Variants in EPHA4 observed in about 807,000 individuals in gnomAD.
EPHA4 encodes EPH receptor A4, also known as ephrin type-A receptor 4.
EPHA4 carries 19 observed loss-of-function variants against 108.3 expected under a neutral mutation model. The ratio of observed to expected loss-of-function variants is 0.18; its 90% CI spans 0.12 to 0.26. The LOEUF is 0.26. EPHA4 is among the 10% of genes least tolerant of loss of function. The pLI is 1.00. For missense variants in EPHA4, 917 were observed against 1,254.0 expected, an observed-to-expected ratio of 0.73 and a Z score of 4.06; for synonymous variants, 449 against 455.5, an observed-to-expected ratio of 0.99 and a Z score of 0.18.
chr2:221,499,101 T>G, intron 4 of EPHA4, among the ~76,000 whole-genome samples: 1 of 151,596 alleles, frequency 6.6e-6, no homozygotes, highest in Non-Finnish European at 1.5e-5. Flanking sequence ...TTTTAACAGT[T>G]ACATCTGAGA....
intron 3 of EPHA4, among the ~76,000 whole-genome samples, chr2:221,544,949 A>G (rs1040848732): frequency 6.6e-6 from 1 of 151,998 alleles, no homozygotes; most frequent in African/African-American, 2.4e-5. Flanking sequence ...CTAAAAACCA[A>G]CCCTGATGAA....
Position 221,418,992 on chromosome 2 carries a change from A to G in EPHA4, c.*2380T>C, listed in dbSNP as rs1193251636. On this transcript the variant is annotated 3_prime_UTR_variant, in exon 18 of 18. Coordinates refer to ENST00000281821, the MANE Select transcript of EPHA4 (RefSeq NM_004438.5). The stretch of plus-strand genomic sequence containing the variant: ...AATGCCACACACCCTGTCAGAATGT[A>G]ATAAATATTTATTGATGATTTTCTC... The G allele has an allele frequency of 6.6e-6, 1 of 152,660 alleles. No homozygotes were observed. The highest frequency in any genetic ancestry group is 1.9e-4 in the East Asian group (1 of 5,192). 9.5% of individuals were successfully genotyped at this position (152,660 alleles called of 1,614,324 possible). A position where few individuals can be genotyped will look rare whatever the true frequency, so the allele number is the denominator to read the frequency against.
intron 4 of EPHA4, among the ~76,000 whole-genome samples, chr2:221,490,775 T>G (rs1169030484): frequency 1.3e-5 from 2 of 152,208 alleles, no homozygotes; most frequent in Non-Finnish European, 2.9e-5. Context: ...GTTTTGACTC[T>G]GAAATAAAGC....
At chr2:221,514,746 C>T (rs150754799) in intron 3 of EPHA4, among the ~76,000 whole-genome samples, 12 of 152,152 alleles carry the variant, frequency 7.9e-5, no homozygotes, top group African/African-American at 2.7e-4. Context: ...TAAACACAAA[C>T]GATGGGTGAA....
rs189889295 is a variant in EPHA4, at chr2:221,427,724, T to C, written c.2691-1105A>G. Among the ~76,000 whole-genome samples, 182 of 152,330 alleles carry C rather than the reference T, an allele frequency of 1.2e-3. 4 individuals are homozygous for C. The East Asian group carries it at 0.023, about 19-fold the overall frequency. On this transcript the variant is annotated intron_variant, in intron 15 of 17. Coordinates refer to ENST00000281821, the MANE Select transcript of EPHA4 (RefSeq NM_004438.5). ...ATTTAAATCACAATTATATCATTACTACTAAATTTTCAACCAAAAAACTCT... is the reference window on the plus strand; with the variant it reads ...ATTTAAATCACAATTATATCATTACCACTAAATTTTCAACCAAAAAACTCT...
At chr2:221,533,466 G>A (rs1399769523) in intron 3 of EPHA4, among the ~76,000 whole-genome samples, 2 of 152,012 alleles carry the variant, frequency 1.3e-5, no homozygotes, top group African/African-American at 4.8e-5. Flanking sequence ...TCGGAGGGAG[G>A]AGGAAGCTGA....
In EPHA4 at chr2:221,443,529, C is replaced by T. The variant is rs765720231; in HGVS notation, c.1852G>A (p.Ala618Thr). 7 of 1,613,704 alleles carry T rather than the reference C, an allele frequency of 4.3e-6. No homozygotes were observed. Among genetic ancestry groups the T allele is most frequent in the South Asian group, 3.3e-5 (3 of 91,052 alleles). Residue 618 changes from alanine to threonine, a missense_variant, in exon 10 of 18, where the codon GCA becomes ACA. Coordinates refer to ENST00000281821, the MANE Select transcript of EPHA4 (RefSeq NM_004438.5). ...ACTTTTTCAATCTTAATGCAGGATGCGTCAATTTCTTTGGCAAACTCTCGC... is the reference window on the plus strand; with the variant it reads ...ACTTTTTCAATCTTAATGCAGGATGTGTCAATTTCTTTGGCAAACTCTCGC... The part of the protein sequence containing the change: ...AVREFAKEID[A>T]SCIKIEKVIG...
At chr2:221,463,232 A>G (rs1408261173) in intron 5 of EPHA4, among the ~76,000 whole-genome samples, 1 of 152,212 alleles carries the variant, frequency 6.6e-6, no homozygotes, top group African/African-American at 2.4e-5. Flanking sequence ...ACCATTTTTA[A>G]AAAACGATGA....
rs1249019435 is a variant in EPHA4 at position 221,499,748 on chromosome 2, A to T, written c.979+1269T>A. On this transcript the variant is annotated intron_variant, in intron 4 of 17. Coordinates refer to ENST00000281821, the MANE Select transcript of EPHA4 (RefSeq NM_004438.5). ...TATATATATATATATATATATATATATATATATATTTTTTTTTTTTTTTTT... is the reference window on the plus strand; with the variant it reads ...TATATATATATATATATATATATATTTATATATATTTTTTTTTTTTTTTTT... 1.2e-3 allele frequency among the ~76,000 whole-genome samples: 56 copies of T among 44,954 alleles called. 1 individual carries two copies. The highest frequency in any genetic ancestry group is 3.8e-3 in the East Asian group (5 of 1,304). 29.5% of individuals were successfully genotyped at this position (44,954 alleles called of 152,430 possible).
intron 5 of EPHA4, among the ~76,000 whole-genome samples, chr2:221,475,585 TGA>T (rs1283724156): frequency 6.6e-6 from 1 of 152,168 alleles, no homozygotes; most frequent in Non-Finnish European, 1.5e-5. Flanking sequence ...GTGTCAGCAG[TGA>T]GATAGTGCCC....
intron 3 of EPHA4, among the ~76,000 whole-genome samples, chr2:221,526,320 G>A (rs1693323036): frequency 6.6e-6 from 1 of 152,086 alleles, no homozygotes; most frequent in African/African-American, 2.4e-5. Flanking sequence ...CGGAAACTGG[G>A]GCATATACAG....
chr2:221,477,568 C>A (rs1324290895), intron 5 of EPHA4, among the ~76,000 whole-genome samples: 35 of 152,164 alleles, frequency 2.3e-4, no homozygotes, highest in Non-Finnish European at 1.2e-4. Context: ...GAGCAGAAAT[C>A]ACCCCCAATT....
At chr2:221,489,144 A>C (rs1692065099) in intron 4 of EPHA4, among the ~76,000 whole-genome samples, 1 of 152,188 alleles carries the variant, frequency 6.6e-6, no homozygotes, top group Non-Finnish European at 1.5e-5. Context: ...CAGGTACCCT[A>C]TGTACTCTAC....
intron 3 of EPHA4, among the ~76,000 whole-genome samples, chr2:221,507,415 G>T (rs924684725): frequency 6.6e-6 from 1 of 152,082 alleles, no homozygotes; most frequent in African/African-American, 2.4e-5. Flanking sequence ...CTATACCATT[G>T]TGGGGACAAT....
intron 17 of EPHA4, among the ~76,000 whole-genome samples, chr2:221,420,794 C>T (rs1689736347): frequency 6.6e-6 from 1 of 152,096 alleles, no homozygotes; most frequent in Non-Finnish European, 1.5e-5. Context: ...ATTCTTATCT[C>T]CATTATATGG....
chr2:221,546,323 T>C (rs1287193348), intron 3 of EPHA4, among the ~76,000 whole-genome samples: 1 of 152,202 alleles, frequency 6.6e-6, no homozygotes, highest in Non-Finnish European at 1.5e-5. Flanking sequence ...AGATGCAACT[T>C]TGCCTTCGGC....
At chr2:221,470,630 C>G (rs1264870282) in intron 5 of EPHA4, among the ~76,000 whole-genome samples, 1 of 120,816 alleles carries the variant, frequency 8.3e-6, no homozygotes, top group Non-Finnish European at 1.7e-5. Context: ...CCTAAAGTAT[C>G]ACTTTAGGGA....
At chr2:221,481,433 C>T (rs757365420) in intron 5 of EPHA4, among the ~76,000 whole-genome samples, 4 of 150,344 alleles carry the variant, frequency 2.7e-5, no homozygotes, top group Admixed American at 6.7e-5. Context: ...GGGCGGATCA[C>T]GAGGTCAGGA....
intron 3 of EPHA4, among the ~76,000 whole-genome samples, chr2:221,522,012 A>T (rs992598038): frequency 2.6e-5 from 4 of 152,022 alleles, no homozygotes; most frequent in Non-Finnish European, 5.9e-5. Context: ...AAAACAAATA[A>T]ACAAAAAACC....
Sources: allele counts gnomAD v4.1 joint callset (sites outside exome capture counted in the v4.1 genomes callset), GRCh38; gene constraint gnomAD v4.1.1; transcripts MANE v1.5; gene names NCBI Gene and HGNC (gene_info 2026-07-23, HGNC 2026-07-21).